The following SELP variants were observed in gnomAD, a reference collection of about 807,000 sequenced individuals.
SELP encodes the protein selectin P.
In SELP, 92 loss-of-function variants were observed where a neutral mutation model predicts 104.1. The observed-to-expected ratio is 0.88, with a 90% confidence interval of 0.75 to 1.05. The LOEUF (loss-of-function observed/expected upper bound fraction) is 1.05, where lower values mean the gene tolerates loss of function less well. Among genes scored for constraint, SELP ranks in the 50% least tolerant of loss-of-function variants. SELP has a pLI of 0.00. For synonymous variants in SELP, 397 were observed against 364.5 expected (o/e 1.09, Z -1.01); for missense variants, 1,022 against 1,017.3 (o/e 1.00, Z -0.06).
chr1:169,621,577 C>A (rs1275055857), intron 1 of SELP, among the ~76,000 whole-genome samples: 1 of 151,980 alleles, frequency 6.6e-6, no homozygotes, highest in Non-Finnish European at 1.5e-5. Flanking sequence ...TGTGTTCATG[C>A]ACTTTTGACT....
At chr1:169,621,065 G>A (rs1205341316) in intron 1 of SELP, among the ~76,000 whole-genome samples, 1 of 143,322 alleles carries the variant, frequency 7.0e-6, no homozygotes, top group Non-Finnish European at 1.5e-5. Flanking sequence ...AGTGACGGAT[G>A]ATGTAGGGTG....
At position 169,617,255 on chromosome 1, in the gene SELP, T is replaced by C. The variant is rs774973411; in HGVS notation, c.254A>G (p.Tyr85Cys). ...EIDYLNKVLP[Y>C]YSSYYWIGIR... is the part of the protein sequence containing the mutation. Reference sequence around the variant, plus strand: ...CCCAATCCAGTAGTAGGAGCTGTAGTAGGGTAGGACCTTATTGAGGTAATC... The same window carrying C: ...CCCAATCCAGTAGTAGGAGCTGTAGCAGGGTAGGACCTTATTGAGGTAATC... The change falls in exon 3 of 17, where the codon TAC becomes TGC. Residue 85 changes from tyrosine (Y) to cysteine (C), a missense_variant. Tyr to Cys is a radical substitution (Grantham distance 194, BLOSUM62 -2). Transcript: ENST00000263686. 1 of 1,614,198 alleles carries C rather than the reference T, an allele frequency of 6.2e-7. No homozygotes were observed. Among genetic ancestry groups the C allele is most frequent in the Non-Finnish European group, 8.5e-7 (1 of 1,180,024 alleles).
In SELP at chr1:169,593,579, C is replaced by T. The variant is rs1161433806; in HGVS notation, c.2407+26G>A. 9 of 1,601,214 alleles carry T rather than the reference C, an allele frequency of 5.6e-6. No homozygotes were observed. In the African/African-American group the frequency reaches 1.1e-4, roughly 19 times the overall value. On this transcript the variant is annotated intron_variant, in intron 14 of 16. Coordinates refer to ENST00000263686, the MANE Select transcript of SELP (RefSeq NM_003005.4). ...TCTTTTGATTTATGTAACCAAGATG[C>T]AAAGAGAAGACTCTTTCCTATTTAC...
At chr1:169,595,705 T>C (rs887808464) in intron 12 of SELP, among the ~76,000 whole-genome samples, 2 of 152,220 alleles carry the variant, frequency 1.3e-5, no homozygotes, top group African/African-American at 4.8e-5. Context: ...TTTAAGTCTC[T>C]GAGTACTTGT....
intron 7 of SELP, 50 bp downstream of exon 7, chr1:169,611,442 G>A (rs1662525690): frequency 1.3e-6 from 2 of 1,584,058 alleles, no homozygotes; most frequent in South Asian, 1.1e-5. Flanking sequence ...TCTCTACCAT[G>A]CCATGATTCC....
Position 169,597,150 on chromosome 1 carries a change from G to A in SELP, c.1732C>T (p.Pro578Ser), listed in dbSNP as rs551282977. 5.6e-6 allele frequency: 9 copies of A among 1,604,490 alleles called. No individual in the cohort carries two copies. In the Admixed American group the frequency reaches 1.2e-4, roughly 21 times the overall value. The change falls in exon 11 of 17, where the codon CCA (proline) becomes TCA (serine). Residue 578 changes from proline to serine, a missense_variant. Pro to Ser is a moderately conservative substitution (Grantham distance 74). Transcript: ENST00000263686. ...GAACAATCCAGGCTGCCCTGCTCTG[G>A]GGCAAAGAGTTCTGGGCACTTGATG... is the stretch of plus-strand genomic sequence containing the variant. ...EAIKCPELFA[P>S]EQGSLDCSDT...
Position 169,617,074 on chromosome 1 carries a change from C to G in SELP, c.435G>C (p.Trp145Cys). 2.5e-6 allele frequency: 4 copies of G among 1,613,888 alleles called. No individual in the cohort carries two copies. The highest frequency in any genetic ancestry group is 3.4e-6 in the Non-Finnish European group (4 of 1,179,956). Residue 145 changes from tryptophan to cysteine, a missense_variant, in exon 3 of 17, where the codon TGG becomes TGC. Coordinates refer to ENST00000263686, the MANE Select transcript of SELP (RefSeq NM_003005.4). ...YIKSPSAPGK[W>C]NDEHCLKKKH... is the part of the protein sequence containing the mutation. ...TTTTCTTCAAGCAGTGCTCATCATT[C>G]CACTTGCCAGGGGCTGACGGACTCT... is the stretch of plus-strand genomic sequence containing the variant.
At chr1:169,618,239 G>C (rs61805833) in intron 2 of SELP, among the ~76,000 whole-genome samples, 12 of 152,194 alleles carry the variant, frequency 7.9e-5, no homozygotes, top group Non-Finnish European at 1.3e-4. Context: ...GTTTGTGGCA[G>C]AACCCGGGTG....
Position 169,612,968 on chromosome 1 carries a change from C to G in SELP, c.736G>C (p.Ala246Pro), listed in dbSNP as rs111261970. 2 of 1,613,092 alleles carry G rather than the reference C, an allele frequency of 1.2e-6. No individual in the cohort carries two copies. The highest frequency in any genetic ancestry group is 1.1e-5 in the South Asian group (1 of 91,000). The change falls in exon 5 of 17, where the codon GCT (alanine) becomes CCT (proline). Residue 246 changes from alanine (A) to proline (P), a missense_variant. Ala to Pro is a conservative substitution (Grantham distance 27, BLOSUM62 -1). Coordinates refer to ENST00000263686, the MANE Select transcript of SELP (RefSeq NM_003005.4). ...VNGPSKLECL[A>P]SGIWTNKPPQ... ...GGCTTATTTGTCCAGATTCCAGAAG[C>G]CAAGCATTCCAGCTTGCTGGGCCCA...
chr1:169,615,609 A>G (rs762526896), intron 3 of SELP, among the ~76,000 whole-genome samples: 1 of 152,162 alleles, frequency 6.6e-6, no homozygotes, highest in East Asian at 1.9e-4. Context: ...TAGCCCAGAA[A>G]GGGGTAGAGA....
intron 13 of SELP, among the ~76,000 whole-genome samples, 178 bp downstream of exon 13, chr1:169,594,514 A>G (rs920731554): frequency 3.3e-5 from 5 of 152,204 alleles, no homozygotes; most frequent in African/African-American, 1.2e-4. Flanking sequence ...CACTGGGTTT[A>G]ATTTCCACTA....
At chr1:169,607,966 A>G (rs1029938563) in intron 8 of SELP, among the ~76,000 whole-genome samples, 1 of 152,262 alleles carries the variant, frequency 6.6e-6, no homozygotes, top group East Asian at 1.9e-4. Context: ...TTTCTTGATT[A>G]GACATTTACC....
At chr1:169,620,014 A>G (rs1003777806) in intron 1 of SELP, among the ~76,000 whole-genome samples, 5 of 152,050 alleles carry the variant, frequency 3.3e-5, no homozygotes, top group Non-Finnish European at 7.4e-5. Context: ...CAGCCTGGCC[A>G]ACATAGTGAA....
intron 1 of SELP, among the ~76,000 whole-genome samples, chr1:169,624,162 A>G (rs547529255): frequency 2.6e-5 from 4 of 152,280 alleles, no homozygotes; most frequent in Admixed American, 1.3e-4. Context: ...TCTTTGAGTA[A>G]CAGTTTTCCT....
chr1:169,590,065 G>A, intron 16 of SELP, 82 bp downstream of exon 16: 1 of 950,746 alleles, frequency 1.1e-6, no homozygotes, highest in Non-Finnish European at 1.6e-6. Flanking sequence ...ATATGATTAT[G>A]TAAAGAAAAG....
Position 169,603,213 on chromosome 1 carries a change from T to C in SELP, c.1520-2A>G. The C allele has an allele frequency of 6.2e-7, 1 of 1,608,674 alleles. No individual in the cohort carries two copies. Among genetic ancestry groups the C allele is most frequent in the Non-Finnish European group, 8.5e-7 (1 of 1,175,698 alleles). On this transcript the variant is annotated splice_acceptor_variant, in intron 9 of 16. Coordinates refer to ENST00000263686, the MANE Select transcript of SELP (RefSeq NM_003005.4). LOFTEE classifies it high-confidence loss of function. ...TTAGCAAAGGTGTGCAGGGAATGGC[T>C]ATCATGGGCATGGCAGAGGAGAAAA...
rs3917716 is a variant in SELP, at chr1:169,613,957, AATGGAGCCAATGACAG to A, written c.482-280_482-265del. 6.3e-3 allele frequency among the ~76,000 whole-genome samples: 967 copies of A among 152,336 alleles called. 12 individuals are homozygous for A. Among genetic ancestry groups the A allele is most frequent in the Middle Eastern group, 0.024 (7 of 294 alleles). On this transcript the variant is annotated intron_variant, in intron 3 of 16. Transcript: ENST00000263686. ...TGTTGTGTGTGGACACAGAGGGACA[AATGGAGCCAATGACAG>A]ATGTGTGGACAGAGAAACCCTATGT...
At chr1:169,623,842 C>T (rs1244676457) in intron 1 of SELP, among the ~76,000 whole-genome samples, 1 of 152,200 alleles carries the variant, frequency 6.6e-6, no homozygotes, top group Non-Finnish European at 1.5e-5. Flanking sequence ...GCAGCCACCA[C>T]TCCCCACCAC....
At chr1:169,602,979 C>A in intron 10 of SELP, 47 bp downstream of exon 10, 1 of 1,488,126 alleles carries the variant, frequency 6.7e-7, no homozygotes. Flanking sequence ...TCTCCATTCT[C>A]TGATGTCATC....
Sources: gnomAD v4.1 joint callset for allele counts (sites outside exome capture counted in the v4.1 genomes callset) on GRCh38, gnomAD v4.1.1 for gene constraint, MANE v1.5 for transcripts, NCBI Gene and HGNC (gene_info 2026-07-23, HGNC 2026-07-21) for gene names.